Variants in MPHOSPH8 observed in about 807,000 individuals in gnomAD.
The protein encoded by MPHOSPH8 is M-phase phosphoprotein 8.
MPHOSPH8 carries 45 observed loss-of-function variants against 87.3 expected under a neutral mutation model. That is an observed-to-expected ratio of 0.52 (90% CI 0.41 to 0.66). MPHOSPH8 has a LOEUF of 0.66. Among genes scored for constraint, MPHOSPH8 ranks in the 30% least tolerant of loss-of-function variants. The pLI is 0.00. For missense variants in MPHOSPH8, 883 were observed against 1,020.2 expected (o/e 0.87, Z 1.83); for synonymous variants, 366 against 376.9 (o/e 0.97, Z 0.33).
chr13:19,673,168 T>A lies in MPHOSPH8; in HGVS notation c.*1293T>A. 1 of 451,802 alleles carries A rather than the reference T, an allele frequency of 2.2e-6. No homozygotes were observed. The allele number at this position is 451,802 out of a possible 1,614,324, so 28.0% of individuals were successfully genotyped here. A position where few individuals can be genotyped will look rare whatever the true frequency, so the allele number is the denominator to read the frequency against. On this transcript the variant is annotated 3_prime_UTR_variant, in exon 14 of 14. Transcript: ENST00000361479. ...ACCGACTGGGAAGATGGGGCTTAGG[T>A]AACAGCCAAACCTGGCTGTCAGCTG...
intron 11 of MPHOSPH8, 90 bp downstream of exon 11, chr13:19,668,621 C>CT (rs1875949951): frequency 1.5e-6 from 2 of 1,357,006 alleles, no homozygotes; most frequent in African/African-American, 2.9e-5. Context: ...TGGAACAAAA[C>CT]TTTAAGGAAA....
At chr13:19,636,927 T>A (rs1874040423) in intron 1 of MPHOSPH8, among the ~76,000 whole-genome samples, 1 of 152,202 alleles carries the variant, frequency 6.6e-6, no homozygotes, top group Admixed American at 6.5e-5. Flanking sequence ...GAAGTCAAAT[T>A]TATAAATCCT....
chr13:19,665,347 T>C (rs1418897754), intron 9 of MPHOSPH8, among the ~76,000 whole-genome samples: 1 of 152,196 alleles, frequency 6.6e-6, no homozygotes, highest in East Asian at 1.9e-4. Context: ...TAAAAACCTT[T>C]TTATCTGAGG....
intron 10 of MPHOSPH8, 146 bp from the exon 11 acceptor site, chr13:19,668,231 T>G (rs1875923340): frequency 4.6e-6 from 3 of 653,972 alleles, no homozygotes; most frequent in Non-Finnish European, 7.8e-6. Context: ...TGTCAGGTGC[T>G]TGGTGGAAGT....
At chr13:19,650,858 AG>A (rs1400407352) in intron 5 of MPHOSPH8, among the ~76,000 whole-genome samples, 1 of 152,158 alleles carries the variant, frequency 6.6e-6, no homozygotes, top group African/African-American at 2.4e-5. Context: ...ATGACAGACT[AG>A]ATCGCCTGGG....
At chr13:19,666,878 T>A (rs1299884103) in intron 10 of MPHOSPH8, among the ~76,000 whole-genome samples, 2 of 152,194 alleles carry the variant, frequency 1.3e-5, no homozygotes, top group Non-Finnish European at 2.9e-5. Flanking sequence ...ACATTTAAAC[T>A]TGGCCGGGCG....
chr13:19,664,128 G>A (rs1273774729), intron 9 of MPHOSPH8, among the ~76,000 whole-genome samples: 1 of 152,114 alleles, frequency 6.6e-6, no homozygotes, highest in Non-Finnish European at 1.5e-5. Flanking sequence ...ACAGGTGCGA[G>A]CCACCACACC....
intron 6 of MPHOSPH8, 35 bp from the exon 7 acceptor site, chr13:19,659,166 T>C: frequency 5.6e-6 from 9 of 1,609,616 alleles, no homozygotes; most frequent in Non-Finnish European, 7.6e-6. Flanking sequence ...AAATCTAGAT[T>C]TATAAAATCT....
chr13:19,672,028 A>G lies in MPHOSPH8; in HGVS notation c.*153A>G, dbSNP rs978591844. ...TGTCTGTTGTAGTCTGTAAGATGCG[A>G]CATAGCTGTGTCTGTGCCAGTATGC... On this transcript the variant is annotated 3_prime_UTR_variant, in exon 14 of 14. Transcript: ENST00000361479. 5.6e-6 allele frequency: 4 copies of G among 717,532 alleles called. No homozygotes were observed. The Admixed American group carries it at 9.7e-5, about 17-fold the overall frequency. 44.4% of individuals were successfully genotyped at this position (717,532 alleles called of 1,614,324 possible). A position where few individuals can be genotyped will look rare whatever the true frequency, so the allele number is the denominator to read the frequency against.
At chr13:19,671,123 T>C in intron 12 of MPHOSPH8, 83 bp from the exon 13 acceptor site, 1 of 1,530,430 alleles carries the variant, frequency 6.5e-7, no homozygotes, top group Non-Finnish European at 8.7e-7. Flanking sequence ...AACTTATTTA[T>C]GATTCTTTTA....
chr13:19,668,514 C>T lies in MPHOSPH8; in HGVS notation c.2312C>T (p.Pro771Leu). 1 of 1,614,056 alleles carries T rather than the reference C, an allele frequency of 6.2e-7. No homozygotes were observed. Among genetic ancestry groups the T allele is most frequent in the Non-Finnish European group, 8.5e-7 (1 of 1,179,984 alleles). ...DFSTDFNYKP[P>L]QNIPEGSGIL... ...TCAACAGATTTCAATTACAAACCCC[C>T]ACAGAACATACCAGAAGGTAAGCCG... Residue 771 changes from proline (P) to leucine (L), a missense_variant, in exon 11 of 14, where the codon CCA becomes CTA. Pro to Leu is a moderately conservative substitution (Grantham distance 98). Around this residue, in one of 3 missense-constraint regions of MPHOSPH8, gnomAD observed 741 missense variants for 841.5 expected, o/e 0.88. Transcript: ENST00000361479.
chr13:19,634,548 C>T (rs1873887360), intron 1 of MPHOSPH8, among the ~76,000 whole-genome samples: 3 of 152,162 alleles, frequency 2.0e-5, no homozygotes, highest in East Asian at 1.9e-4. Flanking sequence ...TTCCTGTTCT[C>T]CTGGCCTGGA....
rs781515822 is a variant in MPHOSPH8, at chr13:19,672,674, A to G, written c.*799A>G. 1.3e-5 allele frequency: 2 copies of G among 156,952 alleles called. No homozygotes were observed. The highest frequency in any genetic ancestry group is 2.8e-5 in the Non-Finnish European group (2 of 70,898). 9.7% of individuals were successfully genotyped at this position (156,952 alleles called of 1,614,324 possible). On this transcript the variant is annotated 3_prime_UTR_variant, in exon 14 of 14. Coordinates refer to ENST00000361479, the MANE Select transcript of MPHOSPH8 (RefSeq NM_017520.4). ...CAGTTGCCACACATTCCCCAAGCAC[A>G]AAAGGTGGAGATGGCAGTCACTTTG...
chr13:19,669,047 G>A (rs184787821), intron 11 of MPHOSPH8, among the ~76,000 whole-genome samples: 1 of 152,092 alleles, frequency 6.6e-6, no homozygotes, highest in Admixed American at 6.6e-5. Flanking sequence ...CCGGGCTCTG[G>A]CTTTTTTTGC....
intron 7 of MPHOSPH8, among the ~76,000 whole-genome samples, chr13:19,660,633 A>C (rs1875473604): frequency 6.6e-6 from 1 of 152,170 alleles, no homozygotes; most frequent in Non-Finnish European, 1.5e-5. Flanking sequence ...CCTTAAGCAA[A>C]GTTCTATGGG....
chr13:19,671,433 C>G (rs1876120250), intron 13 of MPHOSPH8, 144 bp downstream of exon 13: 1 of 677,854 alleles, frequency 1.5e-6, no homozygotes, highest in African/African-American at 1.8e-5. Context: ...GCTAGGTGCA[C>G]CCTCTCTCAG....
intron 12 of MPHOSPH8, 81 bp downstream of exon 12, chr13:19,670,444 T>C (rs1876062635): frequency 6.8e-7 from 1 of 1,466,292 alleles, no homozygotes; most frequent in African/African-American, 1.4e-5. Context: ...AATTCCTGTG[T>C]CTTAATAAAA....
At chr13:19,671,540 T>A (rs1876125519) in intron 13 of MPHOSPH8, among the ~76,000 whole-genome samples, 1 of 152,202 alleles carries the variant, frequency 6.6e-6, no homozygotes, top group African/African-American at 2.4e-5. Flanking sequence ...TGAATCATGA[T>A]CTAGGCCTTG....
Position 19,648,526 on chromosome 13 carries a change from G to A in MPHOSPH8, c.1318+5G>A. ...AAGAGCCAAAAGGATTAAAGAGTGA[G>A]TGTAAATATTAACGTTTTGCCATTT... On this transcript the variant is annotated splice_donor_5th_base_variant and intron_variant, in intron 4 of 13. Transcript: ENST00000361479. 1.4e-6 allele frequency: 2 copies of A among 1,470,368 alleles called. No homozygotes were observed. The highest frequency in any genetic ancestry group is 9.1e-7 in the Non-Finnish European group (1 of 1,097,012). 91.1% of individuals were successfully genotyped at this position (1,470,368 alleles called of 1,614,324 possible). A position where few individuals can be genotyped will look rare whatever the true frequency, so the allele number is the denominator to read the frequency against.
Sources: gnomAD v4.1 joint callset for allele counts (sites outside exome capture counted in the v4.1 genomes callset) on GRCh38, gnomAD v4.1.1 for gene constraint, gnomAD v4.1.1 regional missense constraint, MANE v1.5 for transcripts, NCBI Gene and HGNC (gene_info 2026-07-23, HGNC 2026-07-21) for gene names.